WDR36: variants seen among roughly 807,000 people sequenced by gnomAD.
The protein encoded by WDR36 is WD repeat-containing protein 36.
In WDR36, 63 loss-of-function variants were observed where a neutral mutation model predicts 112.7. The ratio of observed to expected loss-of-function variants is 0.56; its 90% CI spans 0.46 to 0.69. The LOEUF (loss-of-function observed/expected upper bound fraction) is 0.69. Ranked by LOEUF, WDR36 falls within the 30% of genes least tolerant of loss-of-function variation. The pLI is 0.00. For synonymous variants in WDR36, 410 were observed against 362.2 expected (o/e 1.13, Z -1.50); for missense variants, 1,226 against 1,070.3 (o/e 1.15, Z -2.03).
intron 19 of WDR36, among the ~76,000 whole-genome samples, chr5:111,123,501 A>G (rs904711118): frequency 6.6e-6 from 1 of 152,212 alleles, no homozygotes; most frequent in Non-Finnish European, 1.5e-5. Context: ...CTTAATTGTT[A>G]TATCTTCATG....
intron 12 of WDR36, among the ~76,000 whole-genome samples, 195 bp from the exon 13 acceptor site, chr5:111,109,994 A>G (rs1037200566): frequency 6.6e-6 from 1 of 151,498 alleles, no homozygotes; most frequent in Admixed American, 6.6e-5. Context: ...TTTTTAAAGA[A>G]TGGAGATAGA....
At chr5:111,119,943 A>T (rs1381126633) in intron 17 of WDR36, among the ~76,000 whole-genome samples, 2 of 152,070 alleles carry the variant, frequency 1.3e-5, no homozygotes, top group Non-Finnish European at 2.9e-5. Context: ...GAGATTCTCA[A>T]TTTTTATTTT....
Position 111,097,082 on chromosome 5 carries a change from A to G in WDR36, c.194A>G (p.Asn65Ser), listed in dbSNP as rs1445451204. Residue 65 changes from asparagine (N) to serine (S), a missense_variant, in exon 3 of 23, where the codon AAT becomes AGT. Coordinates refer to ENST00000513710, the MANE Select transcript of WDR36 (RefSeq NM_139281.3). The stretch of plus-strand genomic sequence containing the variant: ...TTCATTTTGTATTTTCTGCTAGGTA[A>G]TTCTGTTCCACAGGATATCTGCTGT... ...VQKLSLVAVS[N>S]SVPQDICCMA... The G allele has an allele frequency of 1.2e-6, 2 of 1,611,852 alleles. No individual in the cohort carries two copies. Among genetic ancestry groups the G allele is most frequent in the Admixed American group, 3.3e-5 (2 of 59,980 alleles).
intron 21 of WDR36, 76 bp from the exon 22 acceptor site, chr5:111,125,532 G>A (rs770110506): frequency 4.3e-6 from 6 of 1,390,600 alleles, no homozygotes; most frequent in Non-Finnish European, 6.0e-6. Flanking sequence ...TCCTATTTGG[G>A]GTATAAAAGG....
intron 2 of WDR36, 41 bp from the exon 3 acceptor site, chr5:111,097,038 C>G: frequency 6.7e-7 from 1 of 1,487,158 alleles, no homozygotes; most frequent in Non-Finnish European, 9.4e-7. Flanking sequence ...TCTTTAACAT[C>G]TTAAAAATCC....
rs571770670 is a variant in WDR36, at chr5:111,110,161, T to C, written c.1327-28T>C. 8.0e-6 allele frequency: 12 copies of C among 1,496,066 alleles called. No homozygotes were observed. In the African/African-American group the frequency reaches 1.5e-4, roughly 19 times the overall value. 92.7% of individuals were successfully genotyped at this position (1,496,066 alleles called of 1,614,324 possible). A position where few individuals can be genotyped will look rare whatever the true frequency, so the allele number is the denominator to read the frequency against. On this transcript the variant is annotated intron_variant, in intron 12 of 22. Transcript: ENST00000513710. ...AGTGCAATAAAAATGTTAGTTATTT[T>C]GTCATTTGTGGGTTTTTTTTCTTAA...
rs192081627 is a variant in WDR36 at position 111,126,025 on chromosome 5, T to C, written c.2538+230T>C. ...TTAAATTTAAATAACCGCATGTGGCTAGTGACTACCACATTGGACAGCTAG... is the reference window on the plus strand; with the variant it reads ...TTAAATTTAAATAACCGCATGTGGCCAGTGACTACCACATTGGACAGCTAG... On this transcript the variant is annotated intron_variant, in intron 22 of 22. Coordinates refer to ENST00000513710, the MANE Select transcript of WDR36 (RefSeq NM_139281.3). 3.4e-3 allele frequency among the ~76,000 whole-genome samples: 525 copies of C among 152,314 alleles called. 4 individuals carry two copies. Among genetic ancestry groups the C allele is most frequent in the African/African-American group, 0.012 (501 of 41,568 alleles).
intron 4 of WDR36, among the ~76,000 whole-genome samples, chr5:111,099,093 T>G (rs1223429324): frequency 2.0e-5 from 3 of 152,166 alleles, no homozygotes; most frequent in East Asian, 1.9e-4. Context: ...TTCTCCAACT[T>G]TAATGATTTG....
At chr5:111,098,931 T>C (rs1753053046) in intron 4 of WDR36, 92 bp downstream of exon 4, 3 of 938,698 alleles carry the variant, frequency 3.2e-6, no homozygotes, top group Non-Finnish European at 5.1e-6. Context: ...CCAGAGATTT[T>C]GCCTGTAAAT....
chr5:111,095,251 A>C, intron 2 of WDR36: 1 of 289,022 alleles, frequency 3.5e-6, no homozygotes. Flanking sequence ...AGTTTTTTTG[A>C]CATTTCTTCA....
At chr5:111,096,955 C>T in intron 2 of WDR36, 124 bp from the exon 3 acceptor site, 1 of 665,862 alleles carries the variant, frequency 1.5e-6, no homozygotes. Flanking sequence ...CACTGATTCT[C>T]AACTTTGATC....
In WDR36 at chr5:111,100,596, C is replaced by G; in HGVS notation, c.417C>G (p.Tyr139Ter). 1 of 1,562,936 alleles carries G rather than the reference C, an allele frequency of 6.4e-7. No individual in the cohort carries two copies. Among genetic ancestry groups the G allele is most frequent in the Non-Finnish European group, 8.7e-7 (1 of 1,146,086 alleles). Reference protein sequence around the residue: ...IIWHIYSEEEYLQLTFDKSVF... With the variant: ...IIWHIYSEEE Reference sequence around the variant, plus strand: ...TAACTTTCACTTTTGTAGAAGAATACCTGCAGTTGACTTTTGATAAATCAG... The same window carrying G: ...TAACTTTCACTTTTGTAGAAGAATAGCTGCAGTTGACTTTTGATAAATCAG... The change falls in exon 5 of 23, where the codon TAC becomes TAG. Residue 139 changes from tyrosine to a stop codon, truncating the protein, a stop_gained. Coordinates refer to ENST00000513710, the MANE Select transcript of WDR36 (RefSeq NM_139281.3). LOFTEE classifies it high-confidence loss of function.
chr5:111,097,607 A>C (rs1753020928), intron 3 of WDR36, among the ~76,000 whole-genome samples: 1 of 152,212 alleles, frequency 6.6e-6, no homozygotes, highest in Non-Finnish European at 1.5e-5. Context: ...CTCTTTTTCT[A>C]AAAATCAGAT....
Position 111,094,927 on chromosome 5 carries a change from A to C in WDR36, c.170A>C (p.Lys57Thr). The change falls in exon 2 of 23, where the codon AAA (lysine) becomes ACA (threonine). Residue 57 changes from lysine to threonine, a missense_variant. Coordinates refer to ENST00000513710, the MANE Select transcript of WDR36 (RefSeq NM_139281.3). ...GKSFHTYDVQ[K>T]LSLVAVSNSV... ...TTTTTCTTTTTTAAACAGGTTCAGA[A>C]ACTTAGTCTGGTTGCAGTAAGTAAG... The C allele has an allele frequency of 6.2e-7, 1 of 1,605,968 alleles. No individual in the cohort carries two copies. The highest frequency in any genetic ancestry group is 8.5e-7 in the Non-Finnish European group (1 of 1,174,992).
chr5:111,121,167 C>G lies in WDR36; in HGVS notation c.2148+26C>G, dbSNP rs1470149591. ...GTAATAATTAACATTCTTTATAGAC[C>G]CTAAGCATGCATCCAGAAGCATTTT... is the stretch of plus-strand genomic sequence containing the variant. On this transcript the variant is annotated intron_variant, in intron 19 of 22. Coordinates refer to ENST00000513710, the MANE Select transcript of WDR36 (RefSeq NM_139281.3). 3.7e-6 allele frequency: 6 copies of G among 1,611,934 alleles called. No individual in the cohort carries two copies. The African/African-American group carries it at 5.3e-5, about 14-fold the overall frequency.
chr5:111,124,742 A>G (rs942567762), intron 21 of WDR36, among the ~76,000 whole-genome samples: 1 of 152,190 alleles, frequency 6.6e-6, no homozygotes, highest in Non-Finnish European at 1.5e-5. Flanking sequence ...CACTCTCCTA[A>G]TAATTTTAAC....
intron 22 of WDR36, among the ~76,000 whole-genome samples, chr5:111,126,402 G>T (rs552123190): frequency 6.6e-6 from 1 of 152,104 alleles, no homozygotes; most frequent in Middle Eastern, 3.4e-3. Flanking sequence ...AGATGATGCC[G>T]ATTTTTGGTG....
Position 111,103,863 on chromosome 5 carries a change from A to G in WDR36, c.675A>G (p.Thr225=). 1 of 1,611,472 alleles carries G rather than the reference A, an allele frequency of 6.2e-7. No individual in the cohort carries two copies. The highest frequency in any genetic ancestry group is 8.5e-7 in the Non-Finnish European group (1 of 1,178,286). Residue 225 remains threonine (T), a synonymous_variant, in exon 7 of 23, where the codon ACA becomes ACG. Transcript: ENST00000513710. ...VIIHNIKFNE[T]LMKFRQDWGP... The stretch of plus-strand genomic sequence containing the variant: ...TTCACAACATTAAATTTAATGAAAC[A>G]TTAATGAAGTTTCGTCAAGACTGGG...
Position 111,127,096 on chromosome 5 carries a change from A to G in WDR36, c.*213A>G. The G allele has an allele frequency of 2.2e-6, 1 of 462,874 alleles. No individual in the cohort carries two copies. The highest frequency in any genetic ancestry group is 3.7e-6 in the Non-Finnish European group (1 of 268,468). 28.7% of individuals were successfully genotyped at this position (462,874 alleles called of 1,614,324 possible). Reference sequence around the variant, plus strand: ...TAATGCCTGTAATTCCAGCACTTTCAGAGGCCAAAGCGGGAGGATTGCTTG... The same window carrying G: ...TAATGCCTGTAATTCCAGCACTTTCGGAGGCCAAAGCGGGAGGATTGCTTG... On this transcript the variant is annotated 3_prime_UTR_variant, in exon 23 of 23. Transcript: ENST00000513710.
Sources: gnomAD v4.1 joint callset for allele counts (sites outside exome capture counted in the v4.1 genomes callset) on GRCh38, gnomAD v4.1.1 for gene constraint, MANE v1.5 for transcripts, NCBI Gene and HGNC (gene_info 2026-07-23, HGNC 2026-07-21) for gene names.